SRRM4: variants seen among roughly 807,000 people sequenced by gnomAD.
SRRM4 encodes the protein serine/arginine repetitive matrix protein 4.
A neutral mutation model predicts 68.9 loss-of-function variants in SRRM4; 33 were observed. That is an observed-to-expected ratio of 0.48 (90% CI 0.36 to 0.64). The LOEUF is 0.64. SRRM4 is among the 30% of genes least tolerant of loss of function. The pLI, the probability that SRRM4 is intolerant of heterozygous loss-of-function variation, is 0.00. For missense variants in SRRM4, 817 were observed against 827.1 expected, an observed-to-expected ratio of 0.99 and a Z score of 0.15; for synonymous variants, 318 against 318.8, an observed-to-expected ratio of 1.00 and a Z score of 0.03.
chr12:119,051,403 G>C (rs1565897843), intron 1 of SRRM4, among the ~76,000 whole-genome samples: 1 of 152,198 alleles, frequency 6.6e-6, no homozygotes, highest in African/African-American at 2.4e-5. Flanking sequence ...AAGGCTCAGA[G>C]ATGTGTCTTA....
At chr12:119,051,416 A>G (rs1953741669) in intron 1 of SRRM4, among the ~76,000 whole-genome samples, 1 of 152,218 alleles carries the variant, frequency 6.6e-6, no homozygotes, top group Non-Finnish European at 1.5e-5. Context: ...GTGTCTTAGA[A>G]GGTGCTGAAA....
At chr12:119,075,471 T>TGATGAC (rs1565902741) in intron 1 of SRRM4, among the ~76,000 whole-genome samples, 2 of 95,792 alleles carry the variant, frequency 2.1e-5, no homozygotes, top group African/African-American at 7.0e-5. Context: ...GTGATGATGA[T>TGATGAC]GGTGCTGATG....
intron 1 of SRRM4, among the ~76,000 whole-genome samples, chr12:119,028,684 T>C (rs1300462011): frequency 4.6e-5 from 7 of 152,234 alleles, no homozygotes; most frequent in African/African-American, 1.7e-4. Flanking sequence ...GATTTGAACC[T>C]GGGTCACCCT....
chr12:119,146,340 A>G (rs1238041768), intron 9 of SRRM4, among the ~76,000 whole-genome samples: 3 of 152,154 alleles, frequency 2.0e-5, no homozygotes, highest in Admixed American at 6.5e-5. Context: ...TAATCCCAGC[A>G]CTTTGGGAGG....
intron 8 of SRRM4, among the ~76,000 whole-genome samples, chr12:119,142,311 G>A (rs1329966512): frequency 6.6e-6 from 1 of 152,192 alleles, no homozygotes; most frequent in Non-Finnish European, 1.5e-5. Context: ...CCTGTTTTCT[G>A]GTGATGATGG....
intron 1 of SRRM4, among the ~76,000 whole-genome samples, chr12:119,005,617 CCTT>C (rs1301737508): frequency 2.0e-5 from 3 of 152,192 alleles, no homozygotes; most frequent in East Asian, 1.9e-4. Context: ...GCTTCAGTCT[CCTT>C]CTTCTGTAAA....
intron 1 of SRRM4, among the ~76,000 whole-genome samples, chr12:119,067,749 G>T (rs1259716471): frequency 6.6e-6 from 1 of 152,010 alleles, no homozygotes; most frequent in Non-Finnish European, 1.5e-5. Context: ...AAAATAAGAG[G>T]TCAACAAGCC....
chr12:119,042,718 GA>G (rs1953677557), intron 1 of SRRM4, among the ~76,000 whole-genome samples: 1 of 152,014 alleles, frequency 6.6e-6, no homozygotes, highest in Non-Finnish European at 1.5e-5. Flanking sequence ...GTGGAGGGGA[GA>G]TTGGAGATGG....
intron 7 of SRRM4, among the ~76,000 whole-genome samples, chr12:119,127,298 T>G (rs1954268051): frequency 6.6e-6 from 1 of 152,184 alleles, no homozygotes; most frequent in Admixed American, 6.5e-5. Flanking sequence ...ACCTCCAGCT[T>G]CCAGATGTGA....
At chr12:119,131,114 C>T (rs946211453) in intron 8 of SRRM4, among the ~76,000 whole-genome samples, 2 of 152,094 alleles carry the variant, frequency 1.3e-5, no homozygotes, top group Non-Finnish European at 2.9e-5. Context: ...GTGATATCTG[C>T]AGGAAGACAT....
intron 7 of SRRM4, among the ~76,000 whole-genome samples, chr12:119,130,289 CAGAT>C (rs1182728885): frequency 6.5e-5 from 9 of 137,844 alleles, no homozygotes; most frequent in East Asian, 2.4e-4. Context: ...GTTGCTTAGA[CAGAT>C]GGATGGATGG....
chr12:118,987,567 C>T (rs1262505710), intron 1 of SRRM4, among the ~76,000 whole-genome samples: 4 of 152,286 alleles, frequency 2.6e-5, no homozygotes, highest in African/African-American at 4.8e-5. Flanking sequence ...CAAATGCTTA[C>T]GGGCTATGAG....
At chr12:119,133,765 C>T (rs1954311528) in intron 8 of SRRM4, among the ~76,000 whole-genome samples, 1 of 152,192 alleles carries the variant, frequency 6.6e-6, no homozygotes, top group South Asian at 2.1e-4. Context: ...TATGGAGCAT[C>T]TACAAAGGGT....
intron 1 of SRRM4, among the ~76,000 whole-genome samples, chr12:119,086,811 C>T (rs1953982309): frequency 1.3e-5 from 2 of 152,210 alleles, no homozygotes; most frequent in Non-Finnish European, 2.9e-5. Flanking sequence ...GAAAAGATCC[C>T]TCTCAAAGTC....
intron 1 of SRRM4, among the ~76,000 whole-genome samples, chr12:119,006,962 C>G (rs1009879767): frequency 3.3e-5 from 5 of 152,184 alleles, no homozygotes; most frequent in Admixed American, 6.5e-5. Flanking sequence ...GAAGGCAGGG[C>G]CTGCTTGGGA....
chr12:119,086,728 T>C (rs1343816822), intron 1 of SRRM4, among the ~76,000 whole-genome samples: 1 of 152,142 alleles, frequency 6.6e-6, no homozygotes, highest in Admixed American at 6.5e-5. Flanking sequence ...AAAATAGCTG[T>C]AGGAAGAAGC....
chr12:119,134,132 T>G (rs1231906756), intron 8 of SRRM4, among the ~76,000 whole-genome samples: 1 of 152,186 alleles, frequency 6.6e-6, no homozygotes, highest in African/African-American at 2.4e-5. Context: ...ATATTTCACA[T>G]GCACAGCTTT....
At chr12:119,140,268 C>A (rs1432410150) in intron 8 of SRRM4, among the ~76,000 whole-genome samples, 1 of 151,948 alleles carries the variant, frequency 6.6e-6, no homozygotes, top group Admixed American at 6.6e-5. Context: ...ATCCCAGCTA[C>A]CTGGAAGGCT....
At chr12:119,066,861 C>T (rs1334877970) in intron 1 of SRRM4, among the ~76,000 whole-genome samples, 1 of 152,230 alleles carries the variant, frequency 6.6e-6, no homozygotes, top group Non-Finnish European at 1.5e-5. Context: ...GCTACTGGCT[C>T]TAGCTCCCCC....
Sources: allele counts gnomAD v4.1 joint callset (sites outside exome capture counted in the v4.1 genomes callset), GRCh38; gene constraint gnomAD v4.1.1; transcripts MANE v1.5; gene names NCBI Gene and HGNC (gene_info 2026-07-23, HGNC 2026-07-21).